NFATC3: variants seen among roughly 807,000 people sequenced by gnomAD.
NFATC3 encodes the protein nuclear factor of activated T-cells, cytoplasmic 3.
A neutral mutation model predicts 98.6 loss-of-function variants in NFATC3; 46 were observed. The ratio of observed to expected loss-of-function variants is 0.47; its 90% CI spans 0.37 to 0.60. NFATC3 has a LOEUF of 0.60. Ranked by LOEUF, NFATC3 falls within the 20% of genes least tolerant of loss-of-function variation. The pLI is 0.00. For missense variants in NFATC3, 1,256 were observed against 1,295.5 expected, an observed-to-expected ratio of 0.97 and a Z score of 0.47; for synonymous variants, 512 against 472.2, an observed-to-expected ratio of 1.08 and a Z score of -1.09.
At chr16:68,196,784 A>G (rs1223787816) in intron 9 of NFATC3, among the ~76,000 whole-genome samples, 1 of 152,182 alleles carries the variant, frequency 6.6e-6, no homozygotes, top group African/African-American at 2.4e-5. Context: ...GTATCTCAGC[A>G]CTTTGGGAGG....
Position 68,191,628 on chromosome 16 carries a change from T to C in NFATC3, c.2959T>C (p.Ser987Pro), listed in dbSNP as rs1879605340. The C allele has an allele frequency of 6.2e-7, 1 of 1,614,060 alleles. No individual in the cohort carries two copies. Among genetic ancestry groups the C allele is most frequent in the African/African-American group, 1.3e-5 (1 of 74,924 alleles). Reference protein sequence around the residue: ...QAQSTGQGGLSAPSSLICHSL... With the variant: ...QAQSTGQGGLPAPSSLICHSL... ...ACAAAGTACGGGCCAGGGGGGTCTT[T>C]CTGCACCTTCATCCTTAATATGTCA... Residue 987 changes from serine to proline, a missense_variant, in exon 9 of 10, where the codon TCT becomes CCT. Around this residue, in one of 3 missense-constraint regions of NFATC3, gnomAD observed 636 missense variants for 617.3 expected, o/e 1.03. Coordinates refer to ENST00000346183, the MANE Select transcript of NFATC3 (RefSeq NM_173165.3).
At chr16:68,198,829 A>T (rs1404821087) in intron 9 of NFATC3, among the ~76,000 whole-genome samples, 1 of 152,154 alleles carries the variant, frequency 6.6e-6, no homozygotes, top group African/African-American at 2.4e-5. Flanking sequence ...CGGGCAGATC[A>T]TGAGGTCAGG....
At chr16:68,218,606 C>G (rs1457866498) in intron 9 of NFATC3, among the ~76,000 whole-genome samples, 1 of 146,536 alleles carries the variant, frequency 6.8e-6, no homozygotes, top group African/African-American at 2.5e-5. Context: ...CAGAGTCTCA[C>G]TCTGTCACCC....
intron 3 of NFATC3, among the ~76,000 whole-genome samples, chr16:68,152,399 A>AGG (rs1215524854): frequency 4.0e-5 from 6 of 148,708 alleles, no homozygotes; most frequent in African/African-American, 1.5e-4. Flanking sequence ...AAAAAAAAAA[A>AGG]AAGTACCATT....
chr16:68,090,652 T>C (rs1382188731), intron 1 of NFATC3, among the ~76,000 whole-genome samples: 1 of 152,194 alleles, frequency 6.6e-6, no homozygotes, highest in African/African-American at 2.4e-5. Context: ...ATTAAGTTCT[T>C]AGTACAATGT....
chr16:68,123,907 A>T (rs924696538), intron 2 of NFATC3, among the ~76,000 whole-genome samples: 1 of 151,742 alleles, frequency 6.6e-6, no homozygotes, highest in Non-Finnish European at 1.5e-5. Context: ...ATTGCCTGAG[A>T]TGGGAGATGG....
intron 3 of NFATC3, among the ~76,000 whole-genome samples, chr16:68,133,856 G>A (rs1272856399): frequency 2.7e-5 from 4 of 150,038 alleles, no homozygotes; most frequent in Admixed American, 2.7e-4. Flanking sequence ...TGGACAATAT[G>A]TATAAAGCTG....
rs770906265 is a variant in NFATC3, at chr16:68,122,402, G to A, written c.519G>A (p.Arg173=). ...SPSPASSISS[R]SWFSDASSCE... ...GTCCTGCCAGCAGCATCTCTTCTAG[G>A]AGTTGGTTCTCTGATGCATCTTCTT... is the stretch of plus-strand genomic sequence containing the variant. Residue 173 remains arginine, a synonymous_variant, in exon 2 of 10, where the codon AGG becomes AGA. Transcript: ENST00000346183. The A allele has an allele frequency of 2.2e-5, 36 of 1,613,994 alleles. 1 individual carries two copies. The Middle Eastern group carries it at 1.3e-3, about 59-fold the overall frequency.
chr16:68,141,543 T>A (rs941033216), intron 3 of NFATC3, among the ~76,000 whole-genome samples: 6 of 152,230 alleles, frequency 3.9e-5, no homozygotes, highest in African/African-American at 1.4e-4. Flanking sequence ...TGGTTTTAAT[T>A]TGCATTTACC....
In NFATC3 at chr16:68,110,883, C is replaced by G. The variant is rs578097342; in HGVS notation, c.104-11104C>G. On this transcript the variant is annotated intron_variant, in intron 1 of 9. Transcript: ENST00000346183. Reference sequence around the variant, plus strand: ...TGTTCTCATTGGTTTCAAATAACTTCTTGATTTCTGCCTTAATTTCATTTT... The same window carrying G: ...TGTTCTCATTGGTTTCAAATAACTTGTTGATTTCTGCCTTAATTTCATTTT... Among the ~76,000 whole-genome samples the G allele has an allele frequency of 4.6e-5, 7 of 152,140 alleles. No homozygotes were observed. In the South Asian group the frequency reaches 1.4e-3, roughly 31 times the overall value.
chr16:68,086,844 T>G, intron 1 of NFATC3: 1 of 908,628 alleles, frequency 1.1e-6, no homozygotes, highest in African/African-American at 1.8e-5. Flanking sequence ...CTAGATGTCT[T>G]TTTCACTGTA....
intron 9 of NFATC3, chr16:68,209,860 C>A (rs543631871): frequency 1.3e-5 from 4 of 312,352 alleles, no homozygotes; most frequent in Non-Finnish European, 2.5e-5. Flanking sequence ...GACACACACA[C>A]ACACACACTC....
At position 68,174,358 on chromosome 16, in the gene NFATC3, A is replaced by C; in HGVS notation, c.1775-16A>C. 7.3e-7 allele frequency: 1 copy of C among 1,375,928 alleles called. No homozygotes were observed. The highest frequency in any genetic ancestry group is 1.5e-5 in the African/African-American group (1 of 67,300). The allele number at this position is 1,375,928 out of a possible 1,614,324, so 85.2% of individuals were successfully genotyped here. A position where few individuals can be genotyped will look rare whatever the true frequency, so the allele number is the denominator to read the frequency against. ...TATTTTGTTTTTTCTCAACTCTTTA[A>C]AAAAATTTAAAACAGCCCAGCGGTC... is the stretch of plus-strand genomic sequence containing the variant. On this transcript the variant is annotated splice_polypyrimidine_tract_variant and intron_variant, in intron 5 of 9. Coordinates refer to ENST00000346183, the MANE Select transcript of NFATC3 (RefSeq NM_173165.3).
Position 68,183,241 on chromosome 16 carries a change from C to T in NFATC3, c.1973C>T (p.Ala658Val), listed in dbSNP as rs1398109010. 1 of 1,581,346 alleles carries T rather than the reference C, an allele frequency of 6.3e-7. No homozygotes were observed. Among genetic ancestry groups the T allele is most frequent in the East Asian group, 2.2e-5 (1 of 44,638 alleles). ...CACAATCTTGCTTTCCATCCTTAGG[C>T]TCACATTGTCCTTGAAGTTCCTCCA... is the stretch of plus-strand genomic sequence containing the variant. Reference protein sequence around the residue: ...GKIIREKCQGAHIVLEVPPYH... With the variant: ...GKIIREKCQGVHIVLEVPPYH... The change falls in exon 8 of 10, where the codon GCT (alanine) becomes GTT (valine). Residue 658 changes from alanine to valine, a missense_variant and splice_region_variant. Coordinates refer to ENST00000346183, the MANE Select transcript of NFATC3 (RefSeq NM_173165.3).
chr16:68,108,503 G>A (rs1453488965), intron 1 of NFATC3, among the ~76,000 whole-genome samples: 2 of 152,146 alleles, frequency 1.3e-5, no homozygotes, highest in African/African-American at 2.4e-5. Context: ...TTTGAAGTCG[G>A]GTAACGTGAT....
chr16:68,122,996 T>G lies in NFATC3; in HGVS notation c.1113T>G (p.Thr371=). 1 of 1,614,114 alleles carries G rather than the reference T, an allele frequency of 6.2e-7. No homozygotes were observed. Among genetic ancestry groups the G allele is most frequent in the Non-Finnish European group, 8.5e-7 (1 of 1,180,036 alleles). ...GGAGTTTATCACCAGCCCGGGAGACTTCAATAGATGATGGCCTTGGATCTC... is the reference window on the plus strand; with the variant it reads ...GGAGTTTATCACCAGCCCGGGAGACGTCAATAGATGATGGCCTTGGATCTC... ...DQGSLSPARE[T]SIDDGLGSQY... The change falls in exon 2 of 10, where the codon ACT becomes ACG. Residue 371 remains threonine (T), a synonymous_variant. Transcript: ENST00000346183.
At chr16:68,110,495 T>C (rs529650349) in intron 1 of NFATC3, among the ~76,000 whole-genome samples, 2 of 151,616 alleles carry the variant, frequency 1.3e-5, no homozygotes, top group Non-Finnish European at 2.9e-5. Context: ...TATTTTTTTT[T>C]AGTAGAGACG....
intron 8 of NFATC3, among the ~76,000 whole-genome samples, chr16:68,187,828 G>C (rs985616121): frequency 6.6e-6 from 1 of 152,168 alleles, no homozygotes; most frequent in Non-Finnish European, 1.5e-5. Context: ...TTCGCACTCT[G>C]GTCTGTGGGA....
intron 6 of NFATC3, among the ~76,000 whole-genome samples, chr16:68,179,256 T>G (rs1159113273): frequency 6.6e-6 from 1 of 152,214 alleles, no homozygotes; most frequent in Non-Finnish European, 1.5e-5. Flanking sequence ...ATTCAGAGTG[T>G]ACCTTTATTA....
Sources: gnomAD v4.1 joint callset for allele counts (sites outside exome capture counted in the v4.1 genomes callset) on GRCh38, gnomAD v4.1.1 for gene constraint, gnomAD v4.1.1 regional missense constraint, MANE v1.5 for transcripts, NCBI Gene and HGNC (gene_info 2026-07-23, HGNC 2026-07-21) for gene names.